The following FBXO34 variants were observed in gnomAD, a reference collection of about 807,000 sequenced individuals.
The protein encoded by FBXO34 is F-box only protein 34.
In FBXO34, 12 loss-of-function variants were observed where a neutral mutation model predicts 24.5. The ratio of observed to expected loss-of-function variants is 0.49; its 90% CI spans 0.31 to 0.79. The LOEUF (loss-of-function observed/expected upper bound fraction) is 0.79, where lower values mean the gene tolerates loss of function less well. Ranked by LOEUF, FBXO34 falls within the 30% of genes least tolerant of loss-of-function variation. The probability of loss-of-function intolerance (pLI) is 0.04; values close to 1 mark genes in which losing one functional copy is unlikely to be tolerated. For missense variants in FBXO34, 823 were observed against 857.7 expected (o/e 0.96, Z 0.51); for synonymous variants, 320 against 311.9 (o/e 1.03, Z -0.27).
chr14:55,325,238 G>A (rs1268376070), intron 1 of FBXO34, among the ~76,000 whole-genome samples: 1 of 152,104 alleles, frequency 6.6e-6, no homozygotes, highest in Non-Finnish European at 1.5e-5. Flanking sequence ...AGTACTATTT[G>A]CCTTAGTTGG....
downstream of FBXO34, among the ~76,000 whole-genome samples, chr14:55,355,599 T>C (rs547422271): frequency 1.3e-5 from 2 of 152,362 alleles, 1 homozygote; most frequent in African/African-American, 4.8e-5. Flanking sequence ...CATTAGGTAT[T>C]ATAAGCAATC....
At chr14:55,424,063 T>C in the FBXO34 span, 1 of 817,170 alleles carries the variant, frequency 1.2e-6, no homozygotes, top group Non-Finnish European at 2.0e-6. Context: ...TAACAAGAAT[T>C]ACTTTACCAT....
chr14:55,313,242 A>G (rs539747764), intron 1 of FBXO34, among the ~76,000 whole-genome samples: 1 of 152,168 alleles, frequency 6.6e-6, no homozygotes, highest in African/African-American at 2.4e-5. Context: ...CTTTGCTAAA[A>G]CATACTGAGA....
At chr14:55,433,284 A>C in the FBXO34 span, among the ~76,000 whole-genome samples, 1 of 148,782 alleles carries the variant, frequency 6.7e-6, no homozygotes, top group African/African-American at 2.5e-5. Context: ...ATGCACCACC[A>C]CATCCAGCTA....
At position 55,292,349 on chromosome 14, in the gene FBXO34, C is replaced by A. The variant is rs72715767; in HGVS notation, c.-11+20812C>A. Among the ~76,000 whole-genome samples the A allele has an allele frequency of 8.3e-3, 1,268 of 151,928 alleles. 12 individuals are homozygous for A. Among genetic ancestry groups the A allele is most frequent in the Non-Finnish European group, 0.013 (869 of 67,968 alleles). ...CTATGCCACTGGGTAGTATTATAAG[C>A]TGTATTTACATTTTTTTTTTTCTTT... is the stretch of plus-strand genomic sequence containing the variant. On this transcript the variant is annotated intron_variant, in intron 1 of 1. Coordinates refer to ENST00000313833, the MANE Select transcript of FBXO34 (RefSeq NM_017943.4).
chr14:55,350,015 T>G (rs1226019602), intron 1 of FBXO34, among the ~76,000 whole-genome samples: 1 of 152,222 alleles, frequency 6.6e-6, no homozygotes, highest in African/African-American at 2.4e-5. Context: ...GTTCTTTTTA[T>G]ACTTTCCTTT....
In FBXO34 at chr14:55,351,286, C is replaced by T; in HGVS notation, c.896C>T (p.Pro299Leu). ...ECLKRQGQREPGSLSRNNSFR... is the reference protein window; with the variant it reads ...ECLKRQGQRELGSLSRNNSFR... The stretch of plus-strand genomic sequence containing the variant: ...CTGAAGCGGCAGGGCCAGCGTGAGC[C>T]TGGGAGCCTCTCAAGGAATAACAGC... The change falls in exon 2 of 2, where the codon CCT becomes CTT. Residue 299 changes from proline to leucine, a missense_variant. Pro to Leu is a moderately conservative substitution (Grantham distance 98). This residue lies in a region of FBXO34 where 693 missense variants were observed against 659.1 expected (regional missense o/e 1.05). Transcript: ENST00000313833. 6.2e-7 allele frequency: 1 copy of T among 1,614,184 alleles called. No homozygotes were observed. Among genetic ancestry groups the T allele is most frequent in the Non-Finnish European group, 8.5e-7 (1 of 1,180,034 alleles).
At chr14:55,369,990 T>A (rs1884778355), downstream of FBXO34, 3 of 1,494,592 alleles carry the variant, frequency 2.0e-6, no homozygotes, top group African/African-American at 4.2e-5. Flanking sequence ...AAATATGCCA[T>A]CTTCCTGAAG....
chr14:55,405,949 G>A, the FBXO34 span, among the ~76,000 whole-genome samples: 1 of 152,100 alleles, frequency 6.6e-6, no homozygotes, highest in Non-Finnish European at 1.5e-5. Context: ...TTCAGGACTG[G>A]GGGCAAGGTG....
intron 3 of FBXO34, among the ~76,000 whole-genome samples, chr14:55,361,201 A>G (rs1884590932): frequency 6.6e-6 from 1 of 152,194 alleles, no homozygotes; most frequent in Non-Finnish European, 1.5e-5. Flanking sequence ...TCCTTGAGCT[A>G]TTGGCTGCAG....
intron 1 of FBXO34, among the ~76,000 whole-genome samples, chr14:55,286,842 C>T (rs11158034): frequency 0.3 from 45,652 of 150,382 alleles, 7,199 homozygotes; most frequent in Non-Finnish European, 0.34. Context: ...TTCACATATA[C>T]GTAATGAGAT....
intron 1 of FBXO34, among the ~76,000 whole-genome samples, chr14:55,309,043 G>T (rs1024777119): frequency 2.0e-5 from 3 of 152,042 alleles, no homozygotes; most frequent in African/African-American, 4.8e-5. Flanking sequence ...TGTTATTAGA[G>T]CTTATTTAAT....
Position 55,314,479 on chromosome 14 carries a change from G to A in FBXO34, c.-10-35902G>A, listed in dbSNP as rs555360699. Among the ~76,000 whole-genome samples, 12 of 152,240 alleles carry A rather than the reference G, an allele frequency of 7.9e-5. No individual in the cohort carries two copies. The South Asian group carries it at 2.3e-3, about 29-fold the overall frequency. On this transcript the variant is annotated intron_variant, in intron 1 of 1. Transcript: ENST00000313833. ...ATCTTCCTGAGGTGTGCTAGATTGGGTATCACATAAATGTTTTGTCTCCCC... is the reference window on the plus strand; with the variant it reads ...ATCTTCCTGAGGTGTGCTAGATTGGATATCACATAAATGTTTTGTCTCCCC...
chr14:55,364,028 G>C (rs548811687), downstream of FBXO34, among the ~76,000 whole-genome samples: 2 of 151,550 alleles, frequency 1.3e-5, no homozygotes, highest in East Asian at 3.9e-4. Context: ...TCAGCTCATT[G>C]CAACCTCTGC....
At chr14:55,367,680 GT>G (rs1030075043) in exon 3 of FBXO34, 9 of 152,000 alleles carry the variant, frequency 5.9e-5, no homozygotes, top group Admixed American at 5.2e-4. Flanking sequence ...GGAGATGGTG[GT>G]TGCAGTGAGC....
intron 1 of FBXO34, among the ~76,000 whole-genome samples, chr14:55,286,066 A>G (rs1232039084): frequency 6.6e-6 from 1 of 152,238 alleles, no homozygotes; most frequent in African/African-American, 2.4e-5. Context: ...AGAATGCTGT[A>G]TGAAAATTTG....
intron 1 of FBXO34, among the ~76,000 whole-genome samples, chr14:55,314,478 G>T (rs1399708023): frequency 6.6e-6 from 1 of 152,070 alleles, no homozygotes; most frequent in African/African-American, 2.4e-5. Flanking sequence ...TGCTAGATTG[G>T]GTATCACATA....
At chr14:55,366,242 A>ATATT (rs1884674922), downstream of FBXO34, 1 of 152,540 alleles carries the variant, frequency 6.6e-6, no homozygotes, top group South Asian at 2.1e-4. Context: ...TTTAAAAAAT[A>ATATT]TATTAACATT....
At chr14:55,289,308 AT>A (rs1881864484) in intron 1 of FBXO34, among the ~76,000 whole-genome samples, 1 of 152,144 alleles carries the variant, frequency 6.6e-6, no homozygotes, top group Non-Finnish European at 1.5e-5. Flanking sequence ...AAATCTGCAT[AT>A]ACCAAAATTT....
Sources: allele counts gnomAD v4.1 joint callset (sites outside exome capture counted in the v4.1 genomes callset), GRCh38; gene constraint gnomAD v4.1.1; regional missense constraint gnomAD v4.1.1; transcripts MANE v1.5; gene names NCBI Gene and HGNC (gene_info 2026-07-23, HGNC 2026-07-21).